Variants in TOM1L1 observed in about 807,000 individuals in gnomAD.
The protein encoded by TOM1L1 is target of myb1 like 1 membrane trafficking protein, also known as TOM1-like protein 1.
In TOM1L1, 64 loss-of-function variants were observed where a neutral mutation model predicts 63.4. The observed-to-expected ratio is 1.01, with a 90% CI of 0.83 to 1.24. The LOEUF (loss-of-function observed/expected upper bound fraction) is 1.24. Ranked by LOEUF, TOM1L1 falls within the 50% of genes most tolerant of loss-of-function variation. The pLI, the probability that TOM1L1 is intolerant of heterozygous loss-of-function variation, is 0.00. For missense variants in TOM1L1, 536 were observed against 567.0 expected, an observed-to-expected ratio of 0.95 and a Z score of 0.55; for synonymous variants, 166 against 194.4, an observed-to-expected ratio of 0.85 and a Z score of 1.22.
At chr17:54,960,485 A>G in intron 14 of TOM1L1, 81 bp from the exon 15 acceptor site, 1 of 1,009,032 alleles carries the variant, frequency 9.9e-7, no homozygotes, top group Non-Finnish European at 1.6e-6. Context: ...TCAATTTTTA[A>G]TTACAGTGCT....
intron 7 of TOM1L1, among the ~76,000 whole-genome samples, chr17:54,929,272 AAC>A (rs2048817202): frequency 6.6e-6 from 1 of 152,182 alleles, no homozygotes; most frequent in Non-Finnish European, 1.5e-5. Flanking sequence ...GTACATAAGA[AAC>A]ACTTTGGAGT....
chr17:54,960,229 G>A (rs1398835658), intron 14 of TOM1L1, among the ~76,000 whole-genome samples: 2 of 152,062 alleles, frequency 1.3e-5, no homozygotes, highest in East Asian at 3.9e-4. Flanking sequence ...GCTGGGCATG[G>A]TTGTGTGTCC....
chr17:54,961,373 G>A lies in TOM1L1; in HGVS notation c.*140G>A. The A allele has an allele frequency of 4.5e-6, 7 of 1,550,182 alleles. No homozygotes were observed. Among genetic ancestry groups the A allele is most frequent in the Non-Finnish European group, 5.2e-6 (6 of 1,146,438 alleles). On this transcript the variant is annotated 3_prime_UTR_variant, in exon 16 of 16. Transcript: ENST00000575882. Reference sequence around the variant, plus strand: ...GGTGGCACATTTCTGCTATAATGAAGATTAAATAGAATAACAGTTCCAGGA... The same window carrying A: ...GGTGGCACATTTCTGCTATAATGAAAATTAAATAGAATAACAGTTCCAGGA...
chr17:54,947,397 T>C lies in TOM1L1; in HGVS notation c.1182+85T>C, dbSNP rs929120194. ...AAGAACTCATGGTCATTAATTCCCA[T>C]GTTCTGCTCAGTATTGTGTTGATGC... On this transcript the variant is annotated intron_variant, in intron 12 of 15. Transcript: ENST00000575882. The C allele has an allele frequency of 2.5e-5, 36 of 1,457,174 alleles. No homozygotes were observed. The Middle Eastern group carries it at 5.1e-4, about 21-fold the overall frequency. The allele number at this position is 1,457,174 out of a possible 1,614,324, so 90.3% of individuals were successfully genotyped here.
intron 11 of TOM1L1, among the ~76,000 whole-genome samples, chr17:54,939,607 G>A (rs1223331577): frequency 1.3e-5 from 2 of 152,094 alleles, no homozygotes. Flanking sequence ...ACTCAGGCTG[G>A]AGTACAGTAG....
In TOM1L1 at chr17:54,903,531, G is replaced by C. The variant is rs542297830; in HGVS notation, c.59-177G>C. On this transcript the variant is annotated intron_variant, in intron 1 of 15. Transcript: ENST00000575882. ...ATTACTGTTGCTGCAGCAGCACTCT[G>C]AACTTGGGTTCTGATTGATTCCTGA... 1,386 of 635,364 alleles carry C rather than the reference G, an allele frequency of 2.2e-3. 5 individuals carry two copies. The highest frequency in any genetic ancestry group is 3.4e-3 in the Non-Finnish European group (1,219 of 360,610). The allele number at this position is 635,364 out of a possible 1,614,324, so 39.4% of individuals were successfully genotyped here. A position where few individuals can be genotyped will look rare whatever the true frequency, so the allele number is the denominator to read the frequency against.
chr17:54,942,629 A>G (rs1028408924), intron 11 of TOM1L1: 1 of 152,194 alleles, frequency 6.6e-6, no homozygotes, highest in Non-Finnish European at 1.5e-5. Flanking sequence ...TGATTTCAGT[A>G]ACTTCTCTCT....
intron 11 of TOM1L1, among the ~76,000 whole-genome samples, chr17:54,941,896 C>T (rs570605178): frequency 1.2e-4 from 19 of 152,230 alleles, no homozygotes; most frequent in Admixed American, 4.6e-4. Context: ...GATTCGAGGG[C>T]GTATACCTGG....
At chr17:54,946,988 C>T (rs560429033) in intron 11 of TOM1L1, among the ~76,000 whole-genome samples, 7 of 152,140 alleles carry the variant, frequency 4.6e-5, no homozygotes, top group Non-Finnish European at 1.0e-4. Flanking sequence ...CTTTAAGAAA[C>T]GATGGGGTGG....
At chr17:54,915,344 C>T (rs1381636559) in intron 6 of TOM1L1, among the ~76,000 whole-genome samples, 2 of 152,050 alleles carry the variant, frequency 1.3e-5, no homozygotes, top group Non-Finnish European at 2.9e-5. Flanking sequence ...ACCATGAGAA[C>T]TGGATAACCC....
chr17:54,943,297 T>C (rs1413458532), intron 11 of TOM1L1, among the ~76,000 whole-genome samples: 2 of 152,180 alleles, frequency 1.3e-5, no homozygotes. Flanking sequence ...TTTAATTGTA[T>C]GTAGAGTTTA....
intron 4 of TOM1L1, 44 bp from the exon 5 acceptor site, chr17:54,913,704 G>C: frequency 7.1e-7 from 1 of 1,409,330 alleles, no homozygotes; most frequent in East Asian, 2.9e-5. Context: ...TTTTGGTTTT[G>C]TTGCTGTTTT....
At position 54,936,670 on chromosome 17, in the gene TOM1L1, G is replaced by T. The variant is rs1480736699; in HGVS notation, c.876G>T (p.Arg292Ser). ...GYERFTRNQQRILEQNKNQKE... is the reference protein window; with the variant it reads ...GYERFTRNQQSILEQNKNQKE... ...ACAGGTTTACTAGAAACCAACAAAG[G>T]ATTTTGGAGCAAAATAAGAACCAGA... The change falls in exon 9 of 16, where the codon AGG becomes AGT. Residue 292 changes from arginine to serine, a missense_variant. Arg to Ser is a moderately radical substitution (Grantham distance 110, BLOSUM62 -1). Coordinates refer to ENST00000575882, the MANE Select transcript of TOM1L1 (RefSeq NM_005486.3). 1 of 1,607,136 alleles carries T rather than the reference G, an allele frequency of 6.2e-7. No homozygotes were observed.
chr17:54,943,340 CT>C (rs2049061332), intron 11 of TOM1L1, among the ~76,000 whole-genome samples: 1 of 150,900 alleles, frequency 6.6e-6, no homozygotes, highest in Non-Finnish European at 1.5e-5. Flanking sequence ...CTATGTGTTC[CT>C]TTTTTTCTGT....
chr17:54,955,838 C>T lies in TOM1L1; in HGVS notation c.1371-4728C>T, dbSNP rs754801269. On this transcript the variant is annotated intron_variant, in intron 14 of 15. Transcript: ENST00000575882. ...TGGAGCTGCTGCTTCAAAGCAGCACCGAGCAAAAGGTCTGGGCTCTAGGCA... is the reference window on the plus strand; with the variant it reads ...TGGAGCTGCTGCTTCAAAGCAGCACTGAGCAAAAGGTCTGGGCTCTAGGCA... Among the ~76,000 whole-genome samples the T allele has an allele frequency of 3.3e-5, 5 of 152,154 alleles. 1 individual carries two copies. Among genetic ancestry groups the T allele is most frequent in the Admixed American group, 1.3e-4 (2 of 15,282 alleles).
At chr17:54,931,956 T>TTTTTTG (rs1555610419) in intron 8 of TOM1L1, among the ~76,000 whole-genome samples, 26 of 130,316 alleles carry the variant, frequency 2.0e-4, no homozygotes, top group African/African-American at 7.9e-4. Context: ...TTCGTTTTTT[T>TTTTTTG]TTTGTTTGTT....
chr17:54,938,493 C>CAAA (rs34581628), intron 10 of TOM1L1: 58 of 70,936 alleles, frequency 8.2e-4, no homozygotes, highest in East Asian at 2.2e-3. Context: ...GACTCCATCT[C>CAAA]AAAAAAAAAA....
chr17:54,915,922 T>C, intron 7 of TOM1L1, 60 bp downstream of exon 7: 8 of 1,347,994 alleles, frequency 5.9e-6, no homozygotes, highest in Non-Finnish European at 8.5e-6. Flanking sequence ...TCTCTAAACT[T>C]TGAGTTTGGA....
At chr17:54,907,813 G>C (rs554343408) in intron 3 of TOM1L1, among the ~76,000 whole-genome samples, 3 of 152,096 alleles carry the variant, frequency 2.0e-5, no homozygotes, top group African/African-American at 7.2e-5. Context: ...TTTCAGCATG[G>C]GGTATTATTA....
Sources: allele counts gnomAD v4.1 joint callset (sites outside exome capture counted in the v4.1 genomes callset), GRCh38; gene constraint gnomAD v4.1.1; transcripts MANE v1.5; gene names NCBI Gene and HGNC (gene_info 2026-07-23, HGNC 2026-07-21).